Variants in VWDE observed in about 807,000 individuals in gnomAD.
VWDE encodes the protein von Willebrand factor D and EGF domains, also known as von Willebrand factor D and EGF domain-containing protein.
In VWDE, 207 loss-of-function variants were observed where a neutral mutation model predicts 178.4. The observed-to-expected ratio is 1.16, with a 90% CI of 1.04 to 1.30. The LOEUF is 1.30. Ranked by LOEUF, VWDE falls within the 50% of genes most tolerant of loss-of-function variation. The probability of loss-of-function intolerance (pLI) is 0.00; values close to 1 mark genes in which losing one functional copy is unlikely to be tolerated. For missense variants in VWDE, 2,287 were observed against 1,901.3 expected (o/e 1.20, Z -3.77); for synonymous variants, 738 against 651.4 (o/e 1.13, Z -2.02).
At chr7:12,363,269 T>C (rs1489909578) in intron 13 of VWDE, among the ~76,000 whole-genome samples, 3 of 151,876 alleles carry the variant, frequency 2.0e-5, no homozygotes, top group African/African-American at 7.3e-5. Flanking sequence ...GGAGCAGAAG[T>C]GGAAAGAGTG....
intron 1 of VWDE, among the ~76,000 whole-genome samples, chr7:12,395,431 T>C (rs1446865461): frequency 1.3e-5 from 2 of 152,170 alleles, no homozygotes; most frequent in Admixed American, 6.6e-5. Flanking sequence ...TCCATCTTTA[T>C]TTTGTGTAGT....
At position 12,343,160 on chromosome 7, in the gene VWDE, C is replaced by T; in HGVS notation, c.4097G>A (p.Cys1366Tyr). 6.5e-7 allele frequency: 1 copy of T among 1,549,194 alleles called. No homozygotes were observed. The highest frequency in any genetic ancestry group is 8.7e-7 in the Non-Finnish European group (1 of 1,145,336). ...TCDEEHCNPP[C>Y]QHGGTCLAGN... ...AGCCAAGCATGTGCCACCATGTTGACAAGGTGGGTTACAATGTTCTGCAGA... is the reference window on the plus strand; with the variant it reads ...AGCCAAGCATGTGCCACCATGTTGATAAGGTGGGTTACAATGTTCTGCAGA... The change falls in exon 22 of 29, where the codon TGT becomes TAT. Residue 1366 changes from cysteine to tyrosine, a missense_variant. By Grantham distance (194) the Cys-to-Tyr change is radical. Coordinates refer to ENST00000275358, the MANE Select transcript of VWDE (RefSeq NM_001135924.3).
In VWDE at chr7:12,403,860, C is replaced by T. The variant is rs552948255; in HGVS notation, c.-144G>A. 7.3e-5 allele frequency: 60 copies of T among 816,614 alleles called. No individual in the cohort carries two copies. Among genetic ancestry groups the T allele is most frequent in the Non-Finnish European group, 1.1e-4 (57 of 516,404 alleles). The allele number at this position is 816,614 out of a possible 1,614,324, so 50.6% of individuals were successfully genotyped here. A position where few individuals can be genotyped will look rare whatever the true frequency, so the allele number is the denominator to read the frequency against. ...TTGGAACAGGGAAGCTCCGCGTCCT[C>T]GTTCTGGGGTGCACCCAGTCCTTTC... On this transcript the variant is annotated 5_prime_UTR_variant, in exon 1 of 29. Transcript: ENST00000275358.
At chr7:12,374,924 AC>A in intron 8 of VWDE, 85 bp downstream of exon 8, 1 of 1,338,800 alleles carries the variant, frequency 7.5e-7, no homozygotes, top group African/African-American at 1.5e-5. Flanking sequence ...AAAATTTTTT[AC>A]ATAAAAAGTT....
intron 19 of VWDE, among the ~76,000 whole-genome samples, chr7:12,348,257 G>A (rs1781725104): frequency 2.7e-5 from 4 of 148,162 alleles, no homozygotes; most frequent in Admixed American, 2.7e-4. Flanking sequence ...CTTCTGCACA[G>A]CAAAAGAAAC....
intron 10 of VWDE, 34 bp downstream of exon 10, chr7:12,372,942 GA>G: frequency 2.6e-6 from 4 of 1,530,540 alleles, no homozygotes; most frequent in Non-Finnish European, 3.5e-6. Flanking sequence ...GGAGAAAAAG[GA>G]AAAATACTTT....
At position 12,393,753 on chromosome 7, in the gene VWDE, G is replaced by C. The variant is rs1784501246; in HGVS notation, c.84C>G (p.His28Gln). The C allele has an allele frequency of 1.3e-6, 2 of 1,550,548 alleles. No individual in the cohort carries two copies. The highest frequency in any genetic ancestry group is 1.2e-5 in the South Asian group (1 of 83,906). Residue 28 changes from histidine to glutamine, a missense_variant, in exon 2 of 29, where the codon CAC becomes CAG. His to Gln is a conservative substitution (Grantham distance 24). Transcript: ENST00000275358. Reference protein sequence around the residue: ...GEAQECSPGGHQFLRSPYRSV... With the variant: ...GEAQECSPGGQQFLRSPYRSV... The stretch of plus-strand genomic sequence containing the variant: ...TTCTATAAGGACTCCGAAGAAACTG[G>C]TGTCCCCCAGGAGAGCACTCCTGAG...
chr7:12,378,703 G>A (rs58205663), intron 6 of VWDE, among the ~76,000 whole-genome samples: 16,039 of 152,088 alleles, frequency 0.11, 2,021 homozygotes, highest in African/African-American at 0.3. Context: ...TTCCCCTCAC[G>A]CTGTAGTTAT....
chr7:12,367,792 T>C (rs1225455905), intron 12 of VWDE, among the ~76,000 whole-genome samples: 1 of 152,104 alleles, frequency 6.6e-6, no homozygotes, highest in East Asian at 1.9e-4. Context: ...AAATTACCAC[T>C]ACAATAAAGT....
At position 12,361,420 on chromosome 7, in the gene VWDE, C is replaced by T. The variant is rs1169990788; in HGVS notation, c.3000G>A (p.Gln1000=). ...CACCCACCAGATCCATGGTATCAAA[C>T]TGCTGAACATCAGTGGGCAGCTGAC... ...VDCQLPTDVQ[Q]FDTMDLVGGK... The change falls in exon 14 of 29, where the codon CAG becomes CAA. Residue 1000 remains glutamine (Q), a synonymous_variant. Coordinates refer to ENST00000275358, the MANE Select transcript of VWDE (RefSeq NM_001135924.3). 1.3e-6 allele frequency: 2 copies of T among 1,551,124 alleles called. No homozygotes were observed. The highest frequency in any genetic ancestry group is 1.7e-6 in the Non-Finnish European group (2 of 1,146,704).
At chr7:12,340,695 G>A (rs1158140229) in intron 23 of VWDE, among the ~76,000 whole-genome samples, 4 of 152,134 alleles carry the variant, frequency 2.6e-5, no homozygotes, top group African/African-American at 4.8e-5. Context: ...CCAAGATGAC[G>A]GTGCTCCTGC....
rs1377756881 is a variant in VWDE, at chr7:12,403,594, C to G, written c.58+65G>C. On this transcript the variant is annotated intron_variant, in intron 1 of 28. Transcript: ENST00000275358. ...CCCCAAGTCGTCCAAAAAGTCTAGC[C>G]TAGTCCCTCTACCGCCCACGCGGCG... is the stretch of plus-strand genomic sequence containing the variant. The G allele has an allele frequency of 4.7e-6, 7 of 1,482,962 alleles. No homozygotes were observed. In the African/African-American group the frequency reaches 7.0e-5, roughly 15 times the overall value. 91.9% of individuals were successfully genotyped at this position (1,482,962 alleles called of 1,614,324 possible).
chr7:12,346,889 C>A (rs1028449911), intron 19 of VWDE, among the ~76,000 whole-genome samples: 1 of 151,636 alleles, frequency 6.6e-6, no homozygotes, highest in African/African-American at 2.4e-5. Flanking sequence ...TAAATCAAAC[C>A]AAAACCAGAA....
In VWDE at chr7:12,344,486, G is replaced by GA. The variant is rs199577271; in HGVS notation, c.3887-18dup. 6.5e-7 allele frequency: 1 copy of GA among 1,532,366 alleles called. No individual in the cohort carries two copies. The highest frequency in any genetic ancestry group is 8.8e-7 in the Non-Finnish European group (1 of 1,135,450). 94.9% of individuals were successfully genotyped at this position (1,532,366 alleles called of 1,614,324 possible). On this transcript the variant is annotated splice_polypyrimidine_tract_variant and intron_variant, in intron 19 of 28. Transcript: ENST00000275358. ...TACAAATGGCTAAAAAAAAATCAAA[G>GA]AAAAAAAGGTTGATTGCTAAAACAG...
Position 12,403,824 on chromosome 7 carries a change from TC to T in VWDE, c.-109del. On this transcript the variant is annotated 5_prime_UTR_variant, in exon 1 of 29. Transcript: ENST00000275358. ...GGCCTCCTTTCTTGGATTTTCTCAG[TC>T]TGTTGCTGCTTGGAACAGGGAAGCT... The T allele has an allele frequency of 2.4e-6, 3 of 1,229,900 alleles. No individual in the cohort carries two copies. Among genetic ancestry groups the T allele is most frequent in the Non-Finnish European group, 3.5e-6 (3 of 869,330 alleles). 76.2% of individuals were successfully genotyped at this position (1,229,900 alleles called of 1,614,324 possible). A position where few individuals can be genotyped will look rare whatever the true frequency, so the allele number is the denominator to read the frequency against.
rs193226807 is a variant in VWDE, at chr7:12,390,161, T to A, written c.244-803A>T. Among the ~76,000 whole-genome samples the A allele has an allele frequency of 6.7e-3, 936 of 139,410 alleles. 6 individuals are homozygous for A. Among genetic ancestry groups the A allele is most frequent in the Middle Eastern group, 0.046 (12 of 262 alleles). 91.5% of individuals were successfully genotyped at this position (139,410 alleles called of 152,430 possible). A position where few individuals can be genotyped will look rare whatever the true frequency, so the allele number is the denominator to read the frequency against. On this transcript the variant is annotated intron_variant, in intron 2 of 28. Transcript: ENST00000275358. ...GCCTGGGCGACAGAGCGAGACTCCA[T>A]CTCAAAAAAAAAAAAAAGAAAGAAA...
chr7:12,373,323 CT>C lies in VWDE; in HGVS notation c.1317-77del, dbSNP rs1162896352. On this transcript the variant is annotated intron_variant, in intron 9 of 28. Coordinates refer to ENST00000275358, the MANE Select transcript of VWDE (RefSeq NM_001135924.3). ...ATAGTATGTTATTGATTTGCAACAG[CT>C]TTATGTATCACGATCATTTTGTTGT... The C allele has an allele frequency of 4.2e-6, 6 of 1,418,128 alleles. No homozygotes were observed. In the Admixed American group the frequency reaches 1.2e-4, roughly 29 times the overall value. The allele number at this position is 1,418,128 out of a possible 1,614,324, so 87.8% of individuals were successfully genotyped here. A position where few individuals can be genotyped will look rare whatever the true frequency, so the allele number is the denominator to read the frequency against.
At chr7:12,335,195 G>A (rs1180403364) in intron 27 of VWDE, among the ~76,000 whole-genome samples, 2 of 152,162 alleles carry the variant, frequency 1.3e-5, no homozygotes, top group East Asian at 1.9e-4. Context: ...TTTAAATTAT[G>A]TAATTATTAA....
chr7:12,383,012 C>T (rs1470132878), intron 4 of VWDE, among the ~76,000 whole-genome samples: 1 of 150,916 alleles, frequency 6.6e-6, no homozygotes, highest in Non-Finnish European at 1.5e-5. Flanking sequence ...TACAATCGTT[C>T]CCTTAAAAAA....
Sources: allele counts gnomAD v4.1 joint callset (sites outside exome capture counted in the v4.1 genomes callset), GRCh38; gene constraint gnomAD v4.1.1; transcripts MANE v1.5; gene names NCBI Gene and HGNC (gene_info 2026-07-23, HGNC 2026-07-21).